Variants in CSGALNACT2 observed in about 807,000 individuals in gnomAD.
CSGALNACT2 encodes chondroitin sulfate N-acetylgalactosaminyltransferase 2, also known as beta 4 GalNAcT-2.
CSGALNACT2 carries 35 observed loss-of-function variants against 55.3 expected under a neutral mutation model. That is an observed-to-expected ratio of 0.63 (90% CI 0.48 to 0.84). The LOEUF (loss-of-function observed/expected upper bound fraction) is 0.84, where lower values mean the gene tolerates loss of function less well. Ranked by LOEUF, CSGALNACT2 falls within the 40% of genes least tolerant of loss-of-function variation. CSGALNACT2 has a pLI of 0.00. For missense variants in CSGALNACT2, 544 were observed against 657.5 expected, an observed-to-expected ratio of 0.83 and a Z score of 1.89; for synonymous variants, 196 against 224.9, an observed-to-expected ratio of 0.87 and a Z score of 1.15.
In CSGALNACT2 at chr10:43,155,168, A is replaced by G; in HGVS notation, c.19A>G (p.Ile7Val). MPRRGL[I>V]LHTRTHWLLL... ...AATAAGAATGCCTAGAAGAGGACTGATTCTTCACACCCGGACCCACTGGTT... is the reference window on the plus strand; with the variant it reads ...AATAAGAATGCCTAGAAGAGGACTGGTTCTTCACACCCGGACCCACTGGTT... The change falls in exon 2 of 8, where the codon ATT becomes GTT. Residue 7 changes from isoleucine to valine, a missense_variant. Ile to Val is a conservative substitution (Grantham distance 29). Transcript: ENST00000374466. 6.2e-7 allele frequency: 1 copy of G among 1,613,758 alleles called. No homozygotes were observed.
chr10:43,155,501 A>G lies in CSGALNACT2; in HGVS notation c.352A>G (p.Ser118Gly), dbSNP rs202041692. ...GYQSNKEQAP[S>G]DLLEFLHSQI... ...TCAGAGCAACAAAGAGCAAGCACCT[A>G]GTGATCTTTTAGAGTTTCTTCATTC... The change falls in exon 2 of 8, where the codon AGT becomes GGT. Residue 118 changes from serine to glycine, a missense_variant. Physicochemically the swap from Ser to Gly is moderately conservative, Grantham distance 56 (BLOSUM62 0). This residue lies in a region of CSGALNACT2 where 374 missense variants were observed against 401.3 expected (regional missense o/e 0.93). Transcript: ENST00000374466. 6.2e-6 allele frequency: 10 copies of G among 1,614,248 alleles called. No homozygotes were observed. The South Asian group carries it at 6.6e-5, about 11-fold the overall frequency.
intron 4 of CSGALNACT2, 59 bp from the exon 5 acceptor site, chr10:43,163,807 G>A: frequency 6.6e-7 from 1 of 1,523,416 alleles, no homozygotes; most frequent in South Asian, 1.3e-5. Context: ...TGTGTTGAAG[G>A]AAGAAAATTG....
chr10:43,153,958 G>A (rs1490516746), intron 1 of CSGALNACT2, among the ~76,000 whole-genome samples: 1 of 152,180 alleles, frequency 6.6e-6, no homozygotes, highest in East Asian at 1.9e-4. Flanking sequence ...ACAGTGGAAA[G>A]AATTATGTGA....
Position 43,179,027 on chromosome 10 carries a change from A to G in CSGALNACT2, c.1336+2995A>G, listed in dbSNP as rs1468686766. Among the ~76,000 whole-genome samples, 3 of 152,144 alleles carry G rather than the reference A, an allele frequency of 2.0e-5. No homozygotes were observed. In the East Asian group the frequency reaches 5.8e-4, roughly 29 times the overall value. ...AGCTACTCTAATGAATTTTTATTTCAGTTACTATAGTTTTTAACTTCAGAA... is the reference window on the plus strand; with the variant it reads ...AGCTACTCTAATGAATTTTTATTTCGGTTACTATAGTTTTTAACTTCAGAA... On this transcript the variant is annotated intron_variant, in intron 7 of 7. Coordinates refer to ENST00000374466, the MANE Select transcript of CSGALNACT2 (RefSeq NM_018590.5).
intron 2 of CSGALNACT2, among the ~76,000 whole-genome samples, chr10:43,156,965 G>A (rs1291514743): frequency 6.6e-6 from 1 of 152,220 alleles, no homozygotes; most frequent in Non-Finnish European, 1.5e-5. Context: ...ATCACTTGCT[G>A]CACTGTAGCA....
At chr10:43,178,006 T>G (rs1839513757) in intron 7 of CSGALNACT2, among the ~76,000 whole-genome samples, 1 of 152,266 alleles carries the variant, frequency 6.6e-6, no homozygotes, top group African/African-American at 2.4e-5. Context: ...ATTTTTCTTA[T>G]GATTAATGTT....
At chr10:43,157,035 G>A (rs1241779063) in intron 2 of CSGALNACT2, among the ~76,000 whole-genome samples, 1 of 152,238 alleles carries the variant, frequency 6.6e-6, no homozygotes, top group African/African-American at 2.4e-5. Flanking sequence ...CTTTGCAGTG[G>A]CATTGCAGCT....
intron 2 of CSGALNACT2, among the ~76,000 whole-genome samples, chr10:43,157,857 C>T (rs1481311745): frequency 2.0e-5 from 3 of 151,756 alleles, no homozygotes; most frequent in Non-Finnish European, 2.9e-5. Context: ...AGTGAAACCC[C>T]GTCTCTACTA....
At chr10:43,141,646 AAAAAAG>A (rs1838627653) in intron 1 of CSGALNACT2, among the ~76,000 whole-genome samples, 4 of 151,460 alleles carry the variant, frequency 2.6e-5, no homozygotes, top group African/African-American at 4.8e-5. Context: ...AAAAAAAAAA[AAAAAAG>A]AAAGTGGGAA....
rs957258235 is a variant in CSGALNACT2, at chr10:43,146,622, C to T, written c.-254+8055C>T. Among the ~76,000 whole-genome samples the T allele has an allele frequency of 3.9e-5, 6 of 152,136 alleles. No individual in the cohort carries two copies. In the South Asian group the frequency reaches 8.3e-4, roughly 21 times the overall value. ...GCTCCCACTTGTAGCCCCAGATACT[C>T]GGGAAGCTGAGGCAGGAGGATCACT... On this transcript the variant is annotated intron_variant, in intron 1 of 7. Transcript: ENST00000374466.
chr10:43,155,828 T>C lies in CSGALNACT2; in HGVS notation c.661+18T>C. The C allele has an allele frequency of 6.3e-7, 1 of 1,587,044 alleles. No homozygotes were observed. The highest frequency in any genetic ancestry group is 8.6e-7 in the Non-Finnish European group (1 of 1,163,348). On this transcript the variant is annotated intron_variant, in intron 2 of 7. Transcript: ENST00000374466. ...CGTAGAAGGTAATGTGAAAAATATGTTGGTCAATATTATGTTAGTAAGACA... is the reference window on the plus strand; with the variant it reads ...CGTAGAAGGTAATGTGAAAAATATGCTGGTCAATATTATGTTAGTAAGACA...
intron 6 of CSGALNACT2, among the ~76,000 whole-genome samples, chr10:43,168,045 T>A (rs1433144012): frequency 6.6e-6 from 1 of 152,098 alleles, no homozygotes; most frequent in African/African-American, 2.4e-5. Flanking sequence ...ATGAAAACAT[T>A]GAGATAAATC....
chr10:43,157,096 T>C (rs1839028424), intron 2 of CSGALNACT2, among the ~76,000 whole-genome samples: 1 of 152,196 alleles, frequency 6.6e-6, no homozygotes, highest in African/African-American at 2.4e-5. Flanking sequence ...CTGCCATTTT[T>C]GATGGATTAT....
At chr10:43,162,308 A>C (rs1839167926) in intron 4 of CSGALNACT2, 2 of 724,114 alleles carry the variant, frequency 2.8e-6, no homozygotes, top group African/African-American at 3.6e-5. Flanking sequence ...TCCAGTTGAG[A>C]AAATCCCAGG....
chr10:43,176,782 G>A (rs139716918), intron 7 of CSGALNACT2, among the ~76,000 whole-genome samples: 389 of 152,258 alleles, frequency 2.6e-3, no homozygotes, highest in African/African-American at 8.9e-3. Context: ...GCCTAGGCTG[G>A]TCTTGAACTC....
intron 6 of CSGALNACT2, among the ~76,000 whole-genome samples, chr10:43,168,310 G>T (rs1459499111): frequency 6.6e-6 from 1 of 152,030 alleles, no homozygotes; most frequent in African/African-American, 2.4e-5. Context: ...AATTAGCCAG[G>T]CGTGGTGGCA....
intron 3 of CSGALNACT2, 125 bp downstream of exon 3, chr10:43,159,056 CTTTA>C (rs1227934817): frequency 1.6e-6 from 1 of 620,950 alleles, no homozygotes; most frequent in Non-Finnish European, 2.8e-6. Context: ...TTTAGGGGAA[CTTTA>C]TTTTTTTATA....
chr10:43,148,904 C>T (rs567255470), intron 1 of CSGALNACT2, among the ~76,000 whole-genome samples: 1 of 152,264 alleles, frequency 6.6e-6, no homozygotes, highest in South Asian at 2.1e-4. Context: ...TTGGCTACAA[C>T]CTCCTCTAGT....
intron 1 of CSGALNACT2, among the ~76,000 whole-genome samples, chr10:43,148,904 C>A (rs567255470): frequency 6.6e-6 from 1 of 152,146 alleles, no homozygotes; most frequent in Non-Finnish European, 1.5e-5. Context: ...TTGGCTACAA[C>A]CTCCTCTAGT....
Sources: allele counts gnomAD v4.1 joint callset (sites outside exome capture counted in the v4.1 genomes callset), GRCh38; gene constraint gnomAD v4.1.1; regional missense constraint gnomAD v4.1.1; transcripts MANE v1.5; gene names NCBI Gene and HGNC (gene_info 2026-07-23, HGNC 2026-07-21).